SARDH: variants seen among roughly 807,000 people sequenced by gnomAD.
SARDH encodes sarcosine dehydrogenase, mitochondrial.
Under a neutral mutation model 109.1 loss-of-function variants are expected in SARDH, and 95 were observed. The observed-to-expected ratio is 0.87, with a 90% CI of 0.74 to 1.03. The LOEUF (loss-of-function observed/expected upper bound fraction) is 1.03, where lower values mean the gene tolerates loss of function less well. Among genes scored for constraint, SARDH ranks in the 50% least tolerant of loss-of-function variants. The probability of loss-of-function intolerance (pLI) is 0.00; values close to 1 mark genes in which losing one functional copy is unlikely to be tolerated. For missense variants in SARDH, 1,267 were observed against 1,287.8 expected (o/e 0.98, Z 0.25); for synonymous variants, 572 against 534.8 (o/e 1.07, Z -0.96).
intron 6 of SARDH, among the ~76,000 whole-genome samples, chr9:133,721,209 C>A (rs771169648): frequency 9.2e-5 from 14 of 152,202 alleles, no homozygotes; most frequent in Non-Finnish European, 1.9e-4. Context: ...TGGACAGAGG[C>A]CTGCACCAAG....
chr9:133,696,342 G>T lies in SARDH; in HGVS notation c.1688C>A (p.Ala563Asp). ...HHDTIKKECLACRGAAAVFDM... is the reference protein window; with the variant it reads ...HHDTIKKECLDCRGAAAVFDM... ...AAACACAGCGGCGGCCCCTCTGCAGGCCAGGCACTCCTTCTTGATCTGAAA... is the reference window on the plus strand; with the variant it reads ...AAACACAGCGGCGGCCCCTCTGCAGTCCAGGCACTCCTTCTTGATCTGAAA... Residue 563 changes from alanine to aspartate, a missense_variant, in exon 14 of 21, where the codon GCC becomes GAC. Coordinates refer to ENST00000439388, the MANE Select transcript of SARDH (RefSeq NM_001134707.2). The T allele has an allele frequency of 6.2e-7, 1 of 1,614,090 alleles. No individual in the cohort carries two copies. Among genetic ancestry groups the T allele is most frequent in the Non-Finnish European group, 8.5e-7 (1 of 1,180,038 alleles).
At chr9:133,711,429 C>T (rs2131444115) in intron 10 of SARDH, among the ~76,000 whole-genome samples, 1 of 152,210 alleles carries the variant, frequency 6.6e-6, no homozygotes, top group East Asian at 1.9e-4. Flanking sequence ...CCTGAATTGG[C>T]CCTTCCTTGA....
chr9:133,696,124 G>C (rs1271467112), intron 14 of SARDH, 99 bp downstream of exon 14: 1 of 1,458,428 alleles, frequency 6.9e-7, no homozygotes, highest in Non-Finnish European at 9.4e-7. Context: ...GTGTGCTCAG[G>C]GTGCCCGAGG....
chr9:133,733,338 C>T (rs1832751117), intron 2 of SARDH, among the ~76,000 whole-genome samples: 3 of 152,200 alleles, frequency 2.0e-5, no homozygotes, highest in South Asian at 2.1e-4. Context: ...GCCAGGACAC[C>T]CATGGCTGAA....
intron 1 of SARDH, among the ~76,000 whole-genome samples, chr9:133,735,417 T>C (rs1832850208): frequency 6.6e-6 from 1 of 152,048 alleles, no homozygotes; most frequent in Non-Finnish European, 1.5e-5. Context: ...AAAAATCCAA[T>C]AACAATGAGA....
Position 133,666,715 on chromosome 9 carries a change from G to T in SARDH, c.2631+20C>A. On this transcript the variant is annotated intron_variant, in intron 20 of 20. Transcript: ENST00000439388. This position sits in a 1 kb window ranked among gnomAD's most constrained non-coding sequence, Gnocchi z 5.2. ...GAGGGATCGGCATCTGCCTTAGCAGGGCCAGAGAAGGGGACTCACCGGCCC... is the reference window on the plus strand; with the variant it reads ...GAGGGATCGGCATCTGCCTTAGCAGTGCCAGAGAAGGGGACTCACCGGCCC... 6.3e-7 allele frequency: 1 copy of T among 1,576,508 alleles called. No homozygotes were observed. The highest frequency in any genetic ancestry group is 8.6e-7 in the Non-Finnish European group (1 of 1,161,506).
chr9:133,680,874 C>T (rs928438785), intron 17 of SARDH, among the ~76,000 whole-genome samples: 5 of 152,226 alleles, frequency 3.3e-5, no homozygotes, highest in South Asian at 4.1e-4. Flanking sequence ...AGTGGGGCTG[C>T]GCTCAGTGCT....
intron 10 of SARDH, among the ~76,000 whole-genome samples, chr9:133,711,190 C>T (rs1831905732): frequency 6.6e-6 from 1 of 152,254 alleles, no homozygotes; most frequent in Non-Finnish European, 1.5e-5. Context: ...GGCCCCAGGT[C>T]AGGAGCTGGG....
Position 133,712,485 on chromosome 9 carries a change from T to C in SARDH, c.1328+134A>G. On this transcript the variant is annotated intron_variant, in intron 10 of 20. Transcript: ENST00000439388. The surrounding 1 kb of genome is among the most constrained non-coding windows in gnomAD (Gnocchi z 4.1). ...GCCCACCTTCTGCTGGTGGCCTTCC[T>C]CCCTCACTGCTGCCCCTTCCAGGAA... 1.4e-6 allele frequency: 1 copy of C among 732,594 alleles called. No homozygotes were observed. Among genetic ancestry groups the C allele is most frequent in the Non-Finnish European group, 2.3e-6 (1 of 435,176 alleles). 45.4% of individuals were successfully genotyped at this position (732,594 alleles called of 1,614,324 possible).
chr9:133,733,944 A>G lies in SARDH; in HGVS notation c.230T>C (p.Leu77Ser), dbSNP rs1249708687. The change falls in exon 2 of 21, where the codon TTG becomes TCG. Residue 77 changes from leucine (L) to serine (S), a missense_variant. Leu to Ser is a moderately radical substitution (Grantham distance 145). Transcript: ENST00000439388. Reference sequence around the variant, plus strand: ...CAGGTGGTACAGGGTCTGGCAGCCCAAGCTGCCTCCACCAATGACCACCAC... The same window carrying G: ...CAGGTGGTACAGGGTCTGGCAGCCCGAGCTGCCTCCACCAATGACCACCAC... ...ANVVVIGGGS[L>S]GCQTLYHLAK... is the part of the protein sequence containing the mutation. 1.2e-6 allele frequency: 2 copies of G among 1,602,832 alleles called. No homozygotes were observed. The highest frequency in any genetic ancestry group is 1.7e-6 in the Non-Finnish European group (2 of 1,174,268).
intron 6 of SARDH, among the ~76,000 whole-genome samples, chr9:133,722,640 G>GCTCTCTCT (rs1491335172): frequency 1.1e-3 from 109 of 98,868 alleles, no homozygotes; most frequent in African/African-American, 4.4e-3. Context: ...AAAACTACTA[G>GCTCTCTCT]CGCTCTCTCT....
chr9:133,685,199 C>T lies in SARDH; in HGVS notation c.2157G>A (p.Gly719=). 1 of 1,613,708 alleles carries T rather than the reference C, an allele frequency of 6.2e-7. No homozygotes were observed. The highest frequency in any genetic ancestry group is 8.5e-7 in the Non-Finnish European group (1 of 1,179,828). The change falls in exon 17 of 21, where the codon GGG becomes GGA. Residue 719 remains glycine, a synonymous_variant. Coordinates refer to ENST00000439388, the MANE Select transcript of SARDH (RefSeq NM_001134707.2). Reference sequence around the variant, plus strand: ...GTGGCCAGCTGGAACCTACCAGGTGCCCTGCGGCTCTCAGTAGCTTGTGGG... The same window carrying T: ...GTGGCCAGCTGGAACCTACCAGGTGTCCTGCGGCTCTCAGTAGCTTGTGGG... ...FSTHKLLRAA[G]HLVRAMRLSF...
chr9:133,671,409 T>C (rs1315401600), intron 18 of SARDH, 126 bp downstream of exon 18: 34 of 1,241,256 alleles, frequency 2.7e-5, no homozygotes, highest in Non-Finnish European at 3.7e-5. Context: ...AATCATGGTG[T>C]GGAAAGAAGG....
chr9:133,710,051 A>G (rs1831856732), intron 10 of SARDH, among the ~76,000 whole-genome samples: 2 of 152,174 alleles, frequency 1.3e-5, no homozygotes, highest in African/African-American at 4.8e-5. Context: ...CAGAGGGACC[A>G]GGCCGGCCCA....
chr9:133,727,135 C>T (rs1832520270), intron 6 of SARDH, among the ~76,000 whole-genome samples: 1 of 152,160 alleles, frequency 6.6e-6, no homozygotes, highest in Non-Finnish European at 1.5e-5. Context: ...TAACAGCGCC[C>T]GAGCCACCTG....
chr9:133,732,055 T>C (rs1238052606), intron 3 of SARDH, among the ~76,000 whole-genome samples: 4 of 152,140 alleles, frequency 2.6e-5, no homozygotes, highest in Admixed American at 2.6e-4. Flanking sequence ...GAATTCTGAA[T>C]GAAGCCTGGC....
chr9:133,736,900 A>G (rs1832902837), intron 1 of SARDH, among the ~76,000 whole-genome samples: 1 of 152,238 alleles, frequency 6.6e-6, no homozygotes, highest in Non-Finnish European at 1.5e-5. Flanking sequence ...TATCTAAGAA[A>G]GTCAGCATCC....
chr9:133,689,255 A>C (rs1831006173), intron 16 of SARDH, among the ~76,000 whole-genome samples: 1 of 148,294 alleles, frequency 6.7e-6, no homozygotes, highest in Non-Finnish European at 1.5e-5. Flanking sequence ...TTCCAGAGAC[A>C]GATCACCCCT....
chr9:133,698,009 T>TAAAAAAAAAAAAAA (rs371381068), intron 13 of SARDH, among the ~76,000 whole-genome samples: 18 of 95,660 alleles, frequency 1.9e-4, no homozygotes, highest in East Asian at 3.1e-4. Flanking sequence ...AGGAATCCAC[T>TAAAAAAAAAAAAAA]AAAAAAAAAA....
Sources: allele counts gnomAD v4.1 joint callset (sites outside exome capture counted in the v4.1 genomes callset), GRCh38; gene constraint gnomAD v4.1.1; non-coding constraint Gnocchi (gnomAD v3.1); transcripts MANE v1.5; gene names NCBI Gene and HGNC (gene_info 2026-07-23, HGNC 2026-07-21).